Variants in DPP10 observed in about 807,000 individuals in gnomAD.
DPP10 encodes the protein inactive dipeptidyl peptidase 10.
Under a neutral mutation model 120.9 loss-of-function variants are expected in DPP10, and 33 were observed. The observed-to-expected ratio is 0.27, with a 90% confidence interval of 0.21 to 0.37. The LOEUF (loss-of-function observed/expected upper bound fraction) is 0.37, where lower values mean the gene tolerates loss of function less well. Among genes scored for constraint, DPP10 ranks in the 10% least tolerant of loss-of-function variants. The pLI is 1.00. For synonymous variants in DPP10, 337 were observed against 326.1 expected (o/e 1.03, Z -0.36); for missense variants, 816 against 942.8 (o/e 0.87, Z 1.76).
chr2:115,534,876 T>G (rs1163892183), intron 5 of DPP10, among the ~76,000 whole-genome samples: 2 of 152,038 alleles, frequency 1.3e-5, no homozygotes, highest in Non-Finnish European at 2.9e-5. Context: ...TGGTGAGCGT[T>G]TTTTCATGTG....
intron 4 of DPP10, among the ~76,000 whole-genome samples, chr2:115,503,793 C>T (rs1207553565): frequency 6.6e-6 from 1 of 152,060 alleles, no homozygotes; most frequent in Non-Finnish European, 1.5e-5. Flanking sequence ...TCCCAGGAGA[C>T]ATTTGTCAGC....
In DPP10 at chr2:115,036,821, A is replaced by ATTTCATT. The variant is rs558115313; in HGVS notation, c.61-272418_61-272417insTTTCATT. On this transcript the variant is annotated intron_variant, in intron 1 of 25. Coordinates refer to ENST00000410059, the MANE Select transcript of DPP10 (RefSeq NM_020868.6). The stretch of plus-strand genomic sequence containing the variant: ...AGTTTCTTTTAGGAGAATGAAAGAA[A>ATTTCATT]CTCCCAAATTTCTGCATTAGAATCG... Among the ~76,000 whole-genome samples, 552 of 152,118 alleles carry ATTTCATT rather than the reference A, an allele frequency of 3.6e-3. 4 individuals carry two copies. The highest frequency in any genetic ancestry group is 0.013 in the African/African-American group (529 of 41,498).
intron 1 of DPP10, among the ~76,000 whole-genome samples, chr2:114,932,917 C>G (rs1696187485): frequency 6.6e-6 from 1 of 152,114 alleles, no homozygotes; most frequent in Admixed American, 6.5e-5. Context: ...ATCACCTAAC[C>G]CGGGGCAATC....
intron 1 of DPP10, among the ~76,000 whole-genome samples, chr2:114,694,399 A>T (rs1225379409): frequency 2.0e-5 from 3 of 152,046 alleles, no homozygotes; most frequent in South Asian, 2.1e-4. Flanking sequence ...TTTAAATATG[A>T]TTTATAATCG....
At chr2:114,483,277 CA>C (rs1366497307) in intron 1 of DPP10, among the ~76,000 whole-genome samples, 1 of 151,514 alleles carries the variant, frequency 6.6e-6, no homozygotes, top group East Asian at 1.9e-4. Flanking sequence ...GGTGGAAGAT[CA>C]AGGAGAGGTG....
intron 1 of DPP10, among the ~76,000 whole-genome samples, chr2:115,050,919 A>G (rs1705429519): frequency 6.6e-6 from 1 of 152,202 alleles, no homozygotes; most frequent in South Asian, 2.1e-4. Context: ...GATGTTATTG[A>G]CCACACATGA....
intron 5 of DPP10, among the ~76,000 whole-genome samples, chr2:115,642,633 A>T (rs1402103996): frequency 6.7e-6 from 1 of 149,414 alleles, no homozygotes; most frequent in Non-Finnish European, 1.5e-5. Context: ...CAATCTCTCT[A>T]TCTCCCTCTC....
intron 1 of DPP10, among the ~76,000 whole-genome samples, chr2:115,233,159 A>T (rs1267509677): frequency 6.6e-6 from 1 of 152,102 alleles, no homozygotes; most frequent in Non-Finnish European, 1.5e-5. Context: ...TATATAAAAT[A>T]GAATGATCTT....
At chr2:114,885,308 C>T (rs1386931521) in intron 1 of DPP10, among the ~76,000 whole-genome samples, 3 of 152,046 alleles carry the variant, frequency 2.0e-5, no homozygotes, top group Admixed American at 2.0e-4. Context: ...TTTTAAATGT[C>T]CAGAGCCCAC....
chr2:114,449,485 A>G (rs1197652362), intron 1 of DPP10, among the ~76,000 whole-genome samples: 2 of 126,764 alleles, frequency 1.6e-5, no homozygotes, highest in African/African-American at 6.0e-5. Context: ...TTTTTTTTTT[A>G]TAGTTACCAC....
chr2:114,829,900 C>T (rs1686931781), intron 1 of DPP10, among the ~76,000 whole-genome samples: 1 of 151,990 alleles, frequency 6.6e-6, no homozygotes, highest in South Asian at 2.1e-4. Context: ...CTTTTTCTTC[C>T]TTTTCCACTT....
chr2:115,717,790 A>G (rs890819675), intron 7 of DPP10, among the ~76,000 whole-genome samples: 6 of 152,152 alleles, frequency 3.9e-5, no homozygotes, highest in Non-Finnish European at 8.8e-5. Flanking sequence ...CCCTTGCTGG[A>G]TGCTGAGGGT....
intron 24 of DPP10, among the ~76,000 whole-genome samples, chr2:115,840,344 G>C (rs916144394): frequency 1.1e-4 from 3 of 26,330 alleles, no homozygotes; most frequent in African/African-American, 2.7e-4. Flanking sequence ...TTTTTTTTGA[G>C]ACGGAGTCTT....
intron 1 of DPP10, among the ~76,000 whole-genome samples, chr2:115,248,202 G>A (rs1030136163): frequency 1.3e-5 from 2 of 152,106 alleles, no homozygotes; most frequent in Admixed American, 1.3e-4. Flanking sequence ...GCAGCTCTTA[G>A]TTTTTATTTG....
At chr2:114,836,989 A>G (rs539884261) in intron 1 of DPP10, among the ~76,000 whole-genome samples, 2 of 152,298 alleles carry the variant, frequency 1.3e-5, no homozygotes, top group East Asian at 3.9e-4. Flanking sequence ...CATTGCTGTT[A>G]TCCTGTTCTT....
At chr2:115,036,118 A>G (rs1250297675) in intron 1 of DPP10, among the ~76,000 whole-genome samples, 2 of 152,224 alleles carry the variant, frequency 1.3e-5, no homozygotes, top group Non-Finnish European at 2.9e-5. Flanking sequence ...CAATCATGGC[A>G]GAAGGCAAAG....
intron 5 of DPP10, among the ~76,000 whole-genome samples, chr2:115,628,046 C>A (rs2085509107): frequency 6.6e-6 from 1 of 152,116 alleles, no homozygotes; most frequent in East Asian, 1.9e-4. Context: ...AATGCCATTT[C>A]TGGTTCTAGA....
chr2:114,888,365 T>A (rs1241116439), intron 1 of DPP10, among the ~76,000 whole-genome samples: 1 of 151,968 alleles, frequency 6.6e-6, no homozygotes, highest in Non-Finnish European at 1.5e-5. Context: ...CAGAAGACTA[T>A]AGTAGATAAA....
intron 1 of DPP10, among the ~76,000 whole-genome samples, chr2:114,957,029 CA>C (rs1311863628): frequency 6.9e-6 from 1 of 145,918 alleles, no homozygotes; most frequent in African/African-American, 2.5e-5. Flanking sequence ...TTGATCTGAG[CA>C]AAGGTTTCTT....
Sources: allele counts gnomAD v4.1 joint callset (sites outside exome capture counted in the v4.1 genomes callset), GRCh38; gene constraint gnomAD v4.1.1; transcripts MANE v1.5; gene names NCBI Gene and HGNC (gene_info 2026-07-23, HGNC 2026-07-21).